Variants in TRAK1 observed in about 807,000 individuals in gnomAD.
TRAK1 encodes the protein trafficking kinesin-binding protein 1.
Under a neutral mutation model 92.1 loss-of-function variants are expected in TRAK1, and 33 were observed. The observed-to-expected ratio is 0.36, with a 90% confidence interval of 0.27 to 0.48. TRAK1 has a LOEUF of 0.48. Ranked by LOEUF, TRAK1 falls within the 20% of genes least tolerant of loss-of-function variation. The probability of loss-of-function intolerance (pLI) is 0.99; values close to 1 mark genes in which losing one functional copy is unlikely to be tolerated. For missense variants in TRAK1, 1,123 were observed against 1,257.9 expected (o/e 0.89, Z 1.62); for synonymous variants, 521 against 517.3 (o/e 1.01, Z -0.10).
At chr3:42,221,238 A>G (rs555454826) in intron 15 of TRAK1, among the ~76,000 whole-genome samples, 9 of 152,240 alleles carry the variant, frequency 5.9e-5, no homozygotes, top group Non-Finnish European at 2.9e-5. Context: ...CTGAGGGTAC[A>G]TCAACATTTG....
intron 5 of TRAK1, 94 bp from the exon 6 acceptor site, chr3:42,188,922 C>A: frequency 1.1e-6 from 1 of 881,182 alleles, no homozygotes; most frequent in South Asian, 1.5e-5. Context: ...GGTCATTGTC[C>A]TTCCTGCAAG....
chr3:42,172,418 C>T (rs73828584), intron 2 of TRAK1, among the ~76,000 whole-genome samples: 1,896 of 152,288 alleles, frequency 0.012, 33 homozygotes, highest in African/African-American at 0.044. Context: ...GTTCTTAAAT[C>T]TCAGGATAAG....
chr3:42,188,294 TCAAA>T, intron 5 of TRAK1, 149 bp downstream of exon 5: 1 of 684,758 alleles, frequency 1.5e-6, no homozygotes, highest in Non-Finnish European at 2.6e-6. Flanking sequence ...TCCAAGTGCC[TCAAA>T]CAGATTGATT....
intron 1 of TRAK1, among the ~76,000 whole-genome samples, chr3:42,029,549 ATT>A (rs58539922): frequency 2.1e-4 from 28 of 136,304 alleles, no homozygotes; most frequent in Admixed American, 3.0e-4. Flanking sequence ...GCCTGATAGA[ATT>A]TTTTTTTTTT....
At chr3:42,176,635 C>CG (rs1453609226) in intron 2 of TRAK1, among the ~76,000 whole-genome samples, 179 bp from the exon 3 acceptor site, 1 of 152,166 alleles carries the variant, frequency 6.6e-6, no homozygotes, top group African/African-American at 2.4e-5. Flanking sequence ...ATCCTCCAGT[C>CG]GTTGGAACTG....
chr3:42,126,115 G>A (rs887412772), intron 2 of TRAK1, among the ~76,000 whole-genome samples: 10 of 151,526 alleles, frequency 6.6e-5, no homozygotes, highest in East Asian at 1.9e-4. Flanking sequence ...CTTGGCCTCC[G>A]AAAGTGCTGG....
intron 1 of TRAK1, among the ~76,000 whole-genome samples, chr3:42,103,961 C>G (rs2149031954): frequency 6.6e-6 from 1 of 152,288 alleles, no homozygotes; most frequent in Non-Finnish European, 1.5e-5. Flanking sequence ...AATTGGGACA[C>G]TCCCACCCTA....
At chr3:42,176,986 A>C in intron 3 of TRAK1, 96 bp downstream of exon 3, 10 of 1,153,144 alleles carry the variant, frequency 8.7e-6, no homozygotes, top group Non-Finnish European at 1.3e-5. Context: ...TTCAGTGAGG[A>C]ATCTTGGAAA....
At chr3:42,126,948 A>C (rs1710638176) in intron 2 of TRAK1, among the ~76,000 whole-genome samples, 1 of 152,220 alleles carries the variant, frequency 6.6e-6, no homozygotes, top group Non-Finnish European at 1.5e-5. Context: ...CAATATGGAT[A>C]ATAACAGAAT....
chr3:42,168,407 A>G (rs1421802233), intron 2 of TRAK1, among the ~76,000 whole-genome samples: 1 of 152,200 alleles, frequency 6.6e-6, no homozygotes, highest in Admixed American at 6.5e-5. Flanking sequence ...TTTATTTGGT[A>G]ACTTAAATAT....
chr3:42,166,886 G>A (rs116672563), intron 2 of TRAK1, among the ~76,000 whole-genome samples: 227 of 152,328 alleles, frequency 1.5e-3, no homozygotes, highest in African/African-American at 5.1e-3. Flanking sequence ...ATGGGTAATG[G>A]CTGTACAGAC....
Position 42,218,289 on chromosome 3 carries a change from G to A in TRAK1, c.1964-1205G>A, listed in dbSNP as rs1709934126. 13 of 985,056 alleles carry A rather than the reference G, an allele frequency of 1.3e-5. 1 individual carries two copies. In the South Asian group the frequency reaches 6.1e-4, roughly 46 times the overall value. 61.0% of individuals were successfully genotyped at this position (985,056 alleles called of 1,614,324 possible). A position where few individuals can be genotyped will look rare whatever the true frequency, so the allele number is the denominator to read the frequency against. ...AACCAATTCCATTGTTTTCCTTTTTGTCAAATCCAAGAGAAAATATACCAT... is the reference window on the plus strand; with the variant it reads ...AACCAATTCCATTGTTTTCCTTTTTATCAAATCCAAGAGAAAATATACCAT... On this transcript the variant is annotated intron_variant, in intron 14 of 15. Coordinates refer to ENST00000327628, the MANE Select transcript of TRAK1 (RefSeq NM_001042646.3).
chr3:42,213,054 A>ATT (rs34073573), intron 14 of TRAK1, among the ~76,000 whole-genome samples: 27,012 of 112,546 alleles, frequency 0.24, 3,498 homozygotes, highest in East Asian at 0.34. Flanking sequence ...TGGAGCTGAG[A>ATT]TTTTTTTTTT....
intron 3 of TRAK1, among the ~76,000 whole-genome samples, chr3:42,182,423 G>A (rs541792316): frequency 2.0e-5 from 3 of 151,972 alleles, no homozygotes; most frequent in South Asian, 2.1e-4. Context: ...CTCCCGAGTC[G>A]CTGGGATTAC....
chr3:42,072,401 AAGG>A (rs1703972433), intron 1 of TRAK1, among the ~76,000 whole-genome samples: 1 of 148,026 alleles, frequency 6.8e-6, no homozygotes, highest in South Asian at 2.1e-4. Context: ...ATTGTAAACG[AAGG>A]AGGAGGCCAG....
At chr3:42,084,316 A>T (rs1293621111), upstream of TRAK1, among the ~76,000 whole-genome samples, 1 of 152,124 alleles carries the variant, frequency 6.6e-6, no homozygotes, top group Non-Finnish European at 1.5e-5. Context: ...AAAGTGTATG[A>T]GAGCTGGGCT....
intron 1 of TRAK1, among the ~76,000 whole-genome samples, chr3:42,117,945 G>C (rs1431762706): frequency 6.6e-6 from 1 of 151,534 alleles, no homozygotes; most frequent in Admixed American, 6.6e-5. Flanking sequence ...TCAGCCTCCC[G>C]AGTAGCTGGG....
At chr3:42,195,689 T>C (rs1706509302) in intron 10 of TRAK1, among the ~76,000 whole-genome samples, 1 of 152,132 alleles carries the variant, frequency 6.6e-6, no homozygotes. Flanking sequence ...GAAGTCAGGC[T>C]AGAATAGCCA....
At chr3:42,042,795 A>C (rs895854134) in intron 1 of TRAK1, among the ~76,000 whole-genome samples, 1 of 152,166 alleles carries the variant, frequency 6.6e-6, no homozygotes, top group East Asian at 1.9e-4. Context: ...GATGGAATAC[A>C]GTTCTTAATG....
Sources: allele counts gnomAD v4.1 joint callset (sites outside exome capture counted in the v4.1 genomes callset), GRCh38; gene constraint gnomAD v4.1.1; transcripts MANE v1.5; gene names NCBI Gene and HGNC (gene_info 2026-07-23, HGNC 2026-07-21).